ARHGAP22: variants seen among roughly 807,000 people sequenced by gnomAD.
The protein encoded by ARHGAP22 is rho GTPase-activating protein 22.
A neutral mutation model predicts 59.1 loss-of-function variants in ARHGAP22; 48 were observed. That is an observed-to-expected ratio of 0.81 (90% CI 0.64 to 1.03). ARHGAP22 has a LOEUF of 1.03. ARHGAP22 is among the 50% of genes least tolerant of loss of function. ARHGAP22 has a pLI of 0.00. For synonymous variants in ARHGAP22, 445 were observed against 416.4 expected (o/e 1.07, Z -0.84); for missense variants, 1,015 against 958.7 (o/e 1.06, Z -0.78).
intron 3 of ARHGAP22, among the ~76,000 whole-genome samples, chr10:48,498,583 A>G (rs1307413689): frequency 6.6e-6 from 1 of 152,092 alleles, no homozygotes; most frequent in Non-Finnish European, 1.5e-5. Flanking sequence ...TCCTTTGTGG[A>G]GTTCTCATAC....
chr10:48,590,443 C>A (rs963426647), intron 1 of ARHGAP22, among the ~76,000 whole-genome samples: 2 of 152,002 alleles, frequency 1.3e-5, no homozygotes, highest in African/African-American at 4.8e-5. Flanking sequence ...CAAGGAGGTG[C>A]CCTGTAGCAA....
At chr10:48,542,939 G>A (rs961746412) in intron 3 of ARHGAP22, among the ~76,000 whole-genome samples, 1 of 152,188 alleles carries the variant, frequency 6.6e-6, no homozygotes, top group Non-Finnish European at 1.5e-5. Flanking sequence ...GGGAGGCTGA[G>A]CCCAGGAGTC....
chr10:48,537,525 G>A (rs766758463), intron 3 of ARHGAP22, among the ~76,000 whole-genome samples: 1 of 152,190 alleles, frequency 6.6e-6, no homozygotes. Context: ...CTGACTTGAC[G>A]GGAGGTTCTC....
chr10:48,652,269 G>C, exon 1 of ARHGAP22: 1 of 1,535,668 alleles, frequency 6.5e-7, no homozygotes, highest in Non-Finnish European at 8.7e-7. Context: ...CCTTTTGCTG[G>C]AAGCTGTCGG....
intron 3 of ARHGAP22, chr10:48,493,421 C>T: frequency 4.6e-6 from 7 of 1,533,596 alleles, no homozygotes; most frequent in Non-Finnish European, 6.1e-6. Flanking sequence ...CTGCCAGTGA[C>T]TCCAGCTATC....
intron 1 of ARHGAP22, among the ~76,000 whole-genome samples, chr10:48,633,984 C>T (rs1051627723): frequency 5.9e-5 from 9 of 152,230 alleles, no homozygotes; most frequent in African/African-American, 1.9e-4. Flanking sequence ...TGTTCTCCCT[C>T]ACCTTCTTCC....
chr10:48,505,743 G>C (rs1424360509), intron 3 of ARHGAP22, among the ~76,000 whole-genome samples: 1 of 152,198 alleles, frequency 6.6e-6, no homozygotes, highest in Non-Finnish European at 1.5e-5. Context: ...GGGATGGAGA[G>C]AGGGGTAGGC....
At chr10:48,441,101 TG>T (rs1233657200), downstream of ARHGAP22, among the ~76,000 whole-genome samples, 1 of 152,068 alleles carries the variant, frequency 6.6e-6, no homozygotes, top group African/African-American at 2.4e-5. Context: ...GCTCCAGGAG[TG>T]GGAGGAAGGG....
At chr10:48,537,241 G>C (rs768868014) in intron 3 of ARHGAP22, among the ~76,000 whole-genome samples, 22 of 152,246 alleles carry the variant, frequency 1.4e-4, no homozygotes, top group Non-Finnish European at 2.8e-4. Context: ...GCATCAGCCA[G>C]AGGGTCCTCT....
At chr10:48,517,118 G>A (rs2134649814) in intron 3 of ARHGAP22, among the ~76,000 whole-genome samples, 1 of 152,320 alleles carries the variant, frequency 6.6e-6, no homozygotes, top group Admixed American at 6.5e-5. Flanking sequence ...CAACAGGCAT[G>A]GGGTTTCTTT....
chr10:48,434,738 T>C, the ARHGAP22 span: 5 of 529,384 alleles, frequency 9.4e-6, no homozygotes, highest in Non-Finnish European at 1.6e-5. Context: ...TTTAAGTTAG[T>C]GTGTTGGATA....
In ARHGAP22 at chr10:48,507,007, C is replaced by T. The variant is rs117965169; in HGVS notation, c.323-27243G>A. Among the ~76,000 whole-genome samples, 50 of 152,320 alleles carry T rather than the reference C, an allele frequency of 3.3e-4. No individual in the cohort carries two copies. The East Asian group carries it at 9.5e-3, about 29-fold the overall frequency. ...TCCTCCAGCCTCTCAGGGCCTCCCA[C>T]GCCCCCCACCAGTACCCCAGCAAGA... On this transcript the variant is annotated intron_variant, in intron 3 of 9. Transcript: ENST00000249601.
At chr10:48,449,720 A>G (rs2045706608) in intron 9 of ARHGAP22, among the ~76,000 whole-genome samples, 1 of 152,208 alleles carries the variant, frequency 6.6e-6, no homozygotes. Flanking sequence ...GCCCTCTGTT[A>G]GTGAGATTGT....
Position 48,619,077 on chromosome 10 carries a change from T to C in ARHGAP22, c.52+33157A>G, listed in dbSNP as rs985480601. On this transcript the variant is annotated intron_variant, in intron 1 of 9. Coordinates refer to the ARHGAP22 transcript ENST00000435790. ...AAAAACGAACTAGTGGAAAAAGATA[T>C]GAAGAAAGCAATCCTGTTTACAACA... is the stretch of plus-strand genomic sequence containing the variant. Among the ~76,000 whole-genome samples, 5 of 152,050 alleles carry C rather than the reference T, an allele frequency of 3.3e-5. No homozygotes were observed. The South Asian group carries it at 8.3e-4, about 25-fold the overall frequency.
At chr10:48,581,539 G>C (rs946265606) in intron 2 of ARHGAP22, among the ~76,000 whole-genome samples, 16 of 152,132 alleles carry the variant, frequency 1.1e-4, no homozygotes, top group Non-Finnish European at 5.9e-5. Flanking sequence ...GACAACATCA[G>C]GGTTTTCTGA....
intron 3 of ARHGAP22, among the ~76,000 whole-genome samples, chr10:48,517,889 T>C (rs1474950185): frequency 6.6e-6 from 1 of 152,126 alleles, no homozygotes; most frequent in East Asian, 1.9e-4. Flanking sequence ...CTAAAGAAAC[T>C]GAGGTTCTGA....
chr10:48,621,615 C>T (rs7077507), intron 1 of ARHGAP22, among the ~76,000 whole-genome samples: 8,309 of 152,280 alleles, frequency 0.055, 732 homozygotes, highest in African/African-American at 0.19. Flanking sequence ...TGGCCTCAGC[C>T]TTCAAACTCA....
rs1217905502 is a variant in ARHGAP22, at chr10:48,446,532, C to T, written c.1956G>A (p.Leu652=). The part of the protein sequence containing the change: ...LDQEKKKYIM[L]EIKLRNSERA... ...GTTCAGAGTTCCGCAGCTTTATTTCCAGCATGATGTATTTTTTCTTTTCCT... is the reference window on the plus strand; with the variant it reads ...GTTCAGAGTTCCGCAGCTTTATTTCTAGCATGATGTATTTTTTCTTTTCCT... The change falls in exon 10 of 10, where the codon CTG becomes CTA. Residue 652 remains leucine, a synonymous_variant. Coordinates refer to ENST00000249601, the MANE Select transcript of ARHGAP22 (RefSeq NM_021226.4). The T allele has an allele frequency of 5.6e-6, 9 of 1,614,232 alleles. No individual in the cohort carries two copies. In the Admixed American group the frequency reaches 8.3e-5, roughly 15 times the overall value.
At position 48,603,867 on chromosome 10, in the gene ARHGAP22, C is replaced by T. The variant is rs142447646; in HGVS notation, c.34+896G>A. Among the ~76,000 whole-genome samples the T allele has an allele frequency of 3.9e-5, 6 of 152,328 alleles. No individual in the cohort carries two copies. The East Asian group carries it at 9.6e-4, about 24-fold the overall frequency. On this transcript the variant is annotated intron_variant, in intron 1 of 9. Transcript: ENST00000249601. ...AATCCACAGGAGGCTGGAGGCCCCC[C>T]GCTGCAAACACCTGGTGAGACACAA...
Sources: allele counts gnomAD v4.1 joint callset (sites outside exome capture counted in the v4.1 genomes callset), GRCh38; gene constraint gnomAD v4.1.1; transcripts MANE v1.5; gene names NCBI Gene and HGNC (gene_info 2026-07-23, HGNC 2026-07-21).